The following STAG1 variants were observed in gnomAD, a reference collection of about 807,000 sequenced individuals.
STAG1 encodes STAG1 cohesin complex component.
In STAG1, 26 loss-of-function variants were observed where a neutral mutation model predicts 170.9. That is an observed-to-expected ratio of 0.15 (90% CI 0.11 to 0.21). The LOEUF is 0.21. Ranked by LOEUF, STAG1 falls within the 10% of genes least tolerant of loss-of-function variation. The pLI is 1.00. For missense variants in STAG1, 964 were observed against 1,509.5 expected (o/e 0.64, Z 5.99); for synonymous variants, 514 against 497.7 (o/e 1.03, Z -0.44).
intron 1 of STAG1, among the ~76,000 whole-genome samples, chr3:136,644,777 G>A (rs993579542): frequency 1.3e-5 from 2 of 151,878 alleles, no homozygotes; most frequent in Non-Finnish European, 2.9e-5. Context: ...GCTGGAGTGT[G>A]CTGGCAGATC....
intron 1 of STAG1, among the ~76,000 whole-genome samples, chr3:136,713,793 T>A (rs1400073162): frequency 6.6e-6 from 1 of 151,812 alleles, no homozygotes; most frequent in East Asian, 1.9e-4. Context: ...GAGGCCACAA[T>A]GGGCAGATTA....
At chr3:136,450,537 A>G (rs985902558) in intron 14 of STAG1, among the ~76,000 whole-genome samples, 3 of 152,114 alleles carry the variant, frequency 2.0e-5, no homozygotes, top group East Asian at 3.9e-4. Context: ...TTCTTCTCCA[A>G]TTTTAATTTT....
chr3:136,650,920 T>C (rs200484917), intron 1 of STAG1, among the ~76,000 whole-genome samples: 1,190 of 78,556 alleles, frequency 0.015, 21 homozygotes, highest in African/African-American at 0.098. Flanking sequence ...GGTGGTAGAA[T>C]TAAAAAAAAA....
intron 32 of STAG1, among the ~76,000 whole-genome samples, chr3:136,339,114 A>G (rs1000135671): frequency 2.6e-5 from 4 of 152,132 alleles, no homozygotes; most frequent in Non-Finnish European, 4.4e-5. Context: ...CCTGATAAGA[A>G]GAGGAGAGAC....
At chr3:136,615,424 CA>C (rs35713077) in intron 3 of STAG1, among the ~76,000 whole-genome samples, 4,872 of 32,870 alleles carry the variant, frequency 0.15, 78 homozygotes, top group African/African-American at 0.26. Flanking sequence ...AGACTTTGTC[CA>C]AAAAAAAAAA....
At chr3:136,649,557 T>C (rs1353820029) in intron 1 of STAG1, among the ~76,000 whole-genome samples, 2 of 131,784 alleles carry the variant, frequency 1.5e-5, no homozygotes, top group African/African-American at 5.7e-5. Context: ...AATATTTCAA[T>C]AGGGCAGCCA....
At position 136,472,403 on chromosome 3, in the gene STAG1, T is replaced by A; in HGVS notation, c.1205+10A>T. ...TCAATAAAGTTAAAATAGTAATGGA[T>A]ATTACTTACTGAAGTATCAGAGTAA... On this transcript the variant is annotated intron_variant, in intron 12 of 33. Coordinates refer to ENST00000383202, the MANE Select transcript of STAG1 (RefSeq NM_005862.3). The A allele has an allele frequency of 6.3e-7, 1 of 1,578,010 alleles. No homozygotes were observed. Among genetic ancestry groups the A allele is most frequent in the South Asian group, 1.1e-5 (1 of 89,854 alleles).
intron 11 of STAG1, 82 bp downstream of exon 11, chr3:136,473,457 T>G: frequency 9.6e-7 from 1 of 1,038,360 alleles, no homozygotes; most frequent in Non-Finnish European, 1.5e-6. Context: ...AACACTTGTA[T>G]GATAATGTAA....
intron 13 of STAG1, 29 bp downstream of exon 13, chr3:136,464,852 G>C: frequency 6.4e-7 from 1 of 1,557,240 alleles, no homozygotes; most frequent in Non-Finnish European, 8.8e-7. Context: ...TAGAAAAGTA[G>C]AACCGGTTTT....
intron 2 of STAG1, among the ~76,000 whole-genome samples, chr3:136,627,131 A>G (rs1250458356): frequency 1.3e-5 from 2 of 152,240 alleles, no homozygotes; most frequent in Admixed American, 6.5e-5. Flanking sequence ...TTTGTTTAAT[A>G]ATGCTGCCAA....
At chr3:136,439,389 GACACACACACACACACAC>G (rs753912835) in intron 15 of STAG1, among the ~76,000 whole-genome samples, 87 of 95,866 alleles carry the variant, frequency 9.1e-4, no homozygotes, top group African/African-American at 2.0e-3. Flanking sequence ...AACACCCCCC[GACACACACACACACACAC>G]ACACACACAC....
At chr3:136,494,521 C>T (rs1429121882) in intron 9 of STAG1, among the ~76,000 whole-genome samples, 3 of 152,092 alleles carry the variant, frequency 2.0e-5, no homozygotes, top group Admixed American at 2.0e-4. Flanking sequence ...AGTAAATGCA[C>T]AAATCCTTAA....
chr3:136,445,512 T>G lies in STAG1; in HGVS notation c.1429-2108A>C, dbSNP rs945591589. Among the ~76,000 whole-genome samples, 6 of 152,218 alleles carry G rather than the reference T, an allele frequency of 3.9e-5. No individual in the cohort carries two copies. The South Asian group carries it at 1.2e-3, about 31-fold the overall frequency. The stretch of plus-strand genomic sequence containing the variant: ...ATAAAGAGTTTCAGTTTGGGAAGAT[T>G]TGAAAAAGTTCTGGAGATAAATGGC... On this transcript the variant is annotated intron_variant, in intron 14 of 33. Coordinates refer to ENST00000383202, the MANE Select transcript of STAG1 (RefSeq NM_005862.3).
intron 4 of STAG1, among the ~76,000 whole-genome samples, chr3:136,585,205 G>A (rs977696162): frequency 6.6e-6 from 1 of 152,122 alleles, no homozygotes; most frequent in African/African-American, 2.4e-5. Flanking sequence ...AATTTGGGAG[G>A]CCAAGATGGG....
intron 7 of STAG1, among the ~76,000 whole-genome samples, chr3:136,518,999 G>A (rs1456434413): frequency 6.6e-6 from 1 of 151,876 alleles, no homozygotes; most frequent in Non-Finnish European, 1.5e-5. Context: ...GATAACCAAA[G>A]GGATAAGTAT....
intron 22 of STAG1, among the ~76,000 whole-genome samples, chr3:136,382,401 CTTTT>C (rs1033807448): frequency 4.5e-5 from 6 of 134,578 alleles, no homozygotes; most frequent in African/African-American, 8.1e-5. Flanking sequence ...CCAAGGCTTT[CTTTT>C]TTTTTTTTTT....
At chr3:136,343,054 TC>T (rs1936047697) in intron 30 of STAG1, among the ~76,000 whole-genome samples, 1 of 152,194 alleles carries the variant, frequency 6.6e-6, no homozygotes, top group Non-Finnish European at 1.5e-5. Flanking sequence ...ATTTGATACT[TC>T]TAACACTGTC....
intron 1 of STAG1, among the ~76,000 whole-genome samples, chr3:136,743,371 A>AC (rs1934774305): frequency 6.6e-6 from 1 of 151,836 alleles, no homozygotes; most frequent in African/African-American, 2.4e-5. Flanking sequence ...TCCTTCTCAA[A>AC]AAAAAAAAAT....
Position 136,345,360 on chromosome 3 carries a change from A to T in STAG1, c.3272-1354T>A, listed in dbSNP as rs1323367263. ...CACCTCAGCCTCCCAGAATGCTGGG[A>T]TTACAGGTGTAAGCCACCAGCTAAG... On this transcript the variant is annotated intron_variant, in intron 29 of 33. Transcript: ENST00000383202. Among the ~76,000 whole-genome samples, 9 of 151,942 alleles carry T rather than the reference A, an allele frequency of 5.9e-5. No homozygotes were observed. In the South Asian group the frequency reaches 1.9e-3, roughly 32 times the overall value.
Sources: gnomAD v4.1 joint callset for allele counts (sites outside exome capture counted in the v4.1 genomes callset) on GRCh38, gnomAD v4.1.1 for gene constraint, MANE v1.5 for transcripts, NCBI Gene and HGNC (gene_info 2026-07-23, HGNC 2026-07-21) for gene names.